ACOT11: variants seen among roughly 807,000 people sequenced by gnomAD.
ACOT11 encodes acyl-coenzyme A thioesterase 11.
Under a neutral mutation model 77.5 loss-of-function variants are expected in ACOT11, and 69 were observed. The observed-to-expected ratio is 0.89, with a 90% CI of 0.73 to 1.09. ACOT11 has a LOEUF of 1.09. ACOT11 is among the 50% of genes least tolerant of loss of function. The pLI, the probability that ACOT11 is intolerant of heterozygous loss-of-function variation, is 0.00. For synonymous variants in ACOT11, 279 were observed against 313.0 expected, an observed-to-expected ratio of 0.89 and a Z score of 1.15; for missense variants, 766 against 813.7, an observed-to-expected ratio of 0.94 and a Z score of 0.71.
chr1:54,605,105 G>A lies in ACOT11; in HGVS notation c.1266G>A (p.Lys422=). ...GCCTGTACACTCTGGAGGATGACAA[G>A]TTCCTCTCCTTCCACATGGAGATGG... ...QVRLYTLEDD[K]FLSFHMEMVV... The change falls in exon 13 of 16, where the codon AAG becomes AAA. Residue 422 remains lysine, a synonymous_variant. Coordinates refer to ENST00000343744, the MANE Select transcript of ACOT11 (RefSeq NM_147161.4). 6.2e-7 allele frequency: 1 copy of A among 1,613,934 alleles called. No individual in the cohort carries two copies. Among genetic ancestry groups the A allele is most frequent in the Non-Finnish European group, 8.5e-7 (1 of 1,180,024 alleles).
In ACOT11 at chr1:54,597,121, T is replaced by G. The variant is rs928821021; in HGVS notation, c.608-138T>G. Reference sequence around the variant, plus strand: ...TCATCCAGGGCCACCCTCTGCCTCATGTGCACTCTGTGCTGAGTAAATAAA... The same window carrying G: ...TCATCCAGGGCCACCCTCTGCCTCAGGTGCACTCTGTGCTGAGTAAATAAA... On this transcript the variant is annotated intron_variant, in intron 6 of 15. Coordinates refer to ENST00000343744, the MANE Select transcript of ACOT11 (RefSeq NM_147161.4). 4.6e-6 allele frequency: 5 copies of G among 1,079,964 alleles called. No individual in the cohort carries two copies. The African/African-American group carries it at 6.2e-5, about 13-fold the overall frequency. The allele number at this position is 1,079,964 out of a possible 1,614,324, so 66.9% of individuals were successfully genotyped here. A position where few individuals can be genotyped will look rare whatever the true frequency, so the allele number is the denominator to read the frequency against.
intron 15 of ACOT11, chr1:54,620,117 CTGG>C: frequency 8.5e-7 from 1 of 1,170,582 alleles, no homozygotes; most frequent in Non-Finnish European, 1.2e-6. Flanking sequence ...AGTACCCCAT[CTGG>C]CAGAGGGACG....
intron 15 of ACOT11, among the ~76,000 whole-genome samples, chr1:54,625,831 C>T (rs570048121): frequency 4.1e-4 from 62 of 149,860 alleles, no homozygotes; most frequent in Non-Finnish European, 4.4e-4. Context: ...CCCAGCTACT[C>T]GGGAGGCTGA....
rs138150531 is a variant in ACOT11, at chr1:54,632,028, C to T, written c.1782+1142C>T. Among the ~76,000 whole-genome samples the T allele has an allele frequency of 1.6e-3, 244 of 152,200 alleles. 2 individuals carry two copies. The highest frequency in any genetic ancestry group is 5.6e-3 in the African/African-American group (232 of 41,518). ...CTCCATTTCCTGGAGCTTGTTTTAACTGTGGGAAGCGTGGTCATACTAAAA... is the reference window on the plus strand; with the variant it reads ...CTCCATTTCCTGGAGCTTGTTTTAATTGTGGGAAGCGTGGTCATACTAAAA... On this transcript the variant is annotated intron_variant, in intron 16 of 16. Coordinates refer to the ACOT11 transcript ENST00000371316.
intron 1 of ACOT11, among the ~76,000 whole-genome samples, chr1:54,568,500 G>T (rs564829319): frequency 5.9e-4 from 89 of 151,752 alleles, no homozygotes; most frequent in Non-Finnish European, 1.1e-3. Flanking sequence ...AAGTAGCTGG[G>T]ATTACAGGAA....
chr1:54,609,930 T>C lies in ACOT11; in HGVS notation c.*818T>C, dbSNP rs1557668574. ...TCGAGGCCAGTGTTCAGCAGGATCATGCCTTCTGTGTCTGGAAGAGGCGGC... is the reference window on the plus strand; with the variant it reads ...TCGAGGCCAGTGTTCAGCAGGATCACGCCTTCTGTGTCTGGAAGAGGCGGC... On this transcript the variant is annotated 3_prime_UTR_variant, in exon 16 of 16. Transcript: ENST00000343744. 6.2e-7 allele frequency: 1 copy of C among 1,604,752 alleles called. No individual in the cohort carries two copies. The highest frequency in any genetic ancestry group is 1.7e-5 in the Admixed American group (1 of 59,998).
At chr1:54,612,563 C>T (rs141176241), downstream of ACOT11, 2 of 1,614,074 alleles carry the variant, frequency 1.2e-6, no homozygotes, top group East Asian at 2.2e-5. Flanking sequence ...GGAAGGTGAC[C>T]CTCTGGGGCA....
exon 17 of ACOT11, chr1:54,634,836 T>C: frequency 1.6e-6 from 1 of 629,792 alleles, no homozygotes; most frequent in South Asian, 1.8e-5. Context: ...CCAACTATCA[T>C]GAGCAACACC....
intron 10 of ACOT11, among the ~76,000 whole-genome samples, chr1:54,603,082 G>A (rs1643983497): frequency 6.6e-6 from 1 of 152,190 alleles, no homozygotes; most frequent in African/African-American, 2.4e-5. Context: ...TGTTCAAGAG[G>A]TAAAGCCACT....
downstream of ACOT11, chr1:54,612,536 C>A: frequency 6.2e-7 from 1 of 1,614,060 alleles, no homozygotes; most frequent in South Asian, 1.1e-5. Flanking sequence ...CAGCCCGCAC[C>A]ATGGAAGACC....
intron 15 of ACOT11, among the ~76,000 whole-genome samples, chr1:54,608,715 G>C (rs1644065481): frequency 6.6e-6 from 1 of 152,174 alleles, no homozygotes; most frequent in Admixed American, 6.5e-5. Context: ...ATGACAATGT[G>C]GTGTGTGGTG....
rs767097984 is a variant in ACOT11 at position 54,585,886 on chromosome 1, A to G, written c.293A>G (p.Tyr98Cys). 5.0e-6 allele frequency: 8 copies of G among 1,614,040 alleles called. No homozygotes were observed. The highest frequency in any genetic ancestry group is 6.8e-6 in the Non-Finnish European group (8 of 1,179,972). Residue 98 changes from tyrosine (Y) to cysteine (C), a missense_variant, in exon 3 of 16, where the codon TAT becomes TGT. By Grantham distance (194) the Tyr-to-Cys change is radical. Coordinates refer to ENST00000343744, the MANE Select transcript of ACOT11 (RefSeq NM_147161.4). ...PCVTASMDDI[Y>C]FEHTISVGQV... The stretch of plus-strand genomic sequence containing the variant: ...GTCACAGCTTCCATGGATGACATCT[A>G]TTTTGAGCACACCATTAGGTAAGTG...
intron 10 of ACOT11, 113 bp downstream of exon 10, chr1:54,602,837 G>A (rs962294431): frequency 1.4e-5 from 17 of 1,179,124 alleles, no homozygotes; most frequent in Middle Eastern, 2.1e-4. Context: ...CCCTGGGCCG[G>A]GCCCTTTACA....
downstream of ACOT11, chr1:54,611,537 C>T: frequency 6.5e-7 from 1 of 1,541,996 alleles, no homozygotes; most frequent in Non-Finnish European, 8.9e-7. Context: ...CAGCTCTGCT[C>T]CAGTGCCCAC....
intron 9 of ACOT11, among the ~76,000 whole-genome samples, chr1:54,601,714 G>T (rs1557663479): frequency 6.6e-6 from 1 of 152,190 alleles, no homozygotes; most frequent in Non-Finnish European, 1.5e-5. Flanking sequence ...GTCAGATGTG[G>T]GTTGGAACCT....
At chr1:54,602,195 G>C (rs1034914739) in intron 9 of ACOT11, among the ~76,000 whole-genome samples, 6 of 152,206 alleles carry the variant, frequency 3.9e-5, no homozygotes, top group Non-Finnish European at 8.8e-5. Context: ...TGCTGATCCT[G>C]GCCTCGGCCC....
rs776518944 is a variant in ACOT11, at chr1:54,608,967, A to G, written c.1640A>G (p.Tyr547Cys). Residue 547 changes from tyrosine (Y) to cysteine (C), a missense_variant, in exon 16 of 16, where the codon TAC becomes TGC. Coordinates refer to ENST00000343744, the MANE Select transcript of ACOT11 (RefSeq NM_147161.4). ...EGDQLTKVSY[Y>C]NQATPGVLNY... ...CTTCCCACCCTGCAGGTATCCTACT[A>G]CAACCAGGCCACCCCAGGTGTTCTC... is the stretch of plus-strand genomic sequence containing the variant. The G allele has an allele frequency of 1.9e-6, 3 of 1,613,798 alleles. No individual in the cohort carries two copies. The highest frequency in any genetic ancestry group is 2.5e-6 in the Non-Finnish European group (3 of 1,179,898).
intron 1 of ACOT11, among the ~76,000 whole-genome samples, chr1:54,579,621 C>A (rs1420179692): frequency 6.6e-6 from 1 of 152,178 alleles, no homozygotes; most frequent in Non-Finnish European, 1.5e-5. Flanking sequence ...CTTAGAGTGA[C>A]CTGGTTCAGA....
chr1:54,559,019 T>A (rs1001744629), intron 1 of ACOT11, among the ~76,000 whole-genome samples: 7 of 152,014 alleles, frequency 4.6e-5, no homozygotes, highest in African/African-American at 1.7e-4. Flanking sequence ...CCCTGACTCC[T>A]CACAACAGGG....
Sources: allele counts gnomAD v4.1 joint callset (sites outside exome capture counted in the v4.1 genomes callset), GRCh38; gene constraint gnomAD v4.1.1; transcripts MANE v1.5; gene names NCBI Gene and HGNC (gene_info 2026-07-23, HGNC 2026-07-21).